RERE: variants seen among roughly 807,000 people sequenced by gnomAD.
The protein encoded by RERE is arginine-glutamic acid dipeptide repeats, also known as arginine-glutamic acid dipeptide repeats protein.
A neutral mutation model predicts 146.1 loss-of-function variants in RERE; 40 were observed. The ratio of observed to expected loss-of-function variants is 0.27; its 90% CI spans 0.21 to 0.36. The LOEUF is 0.36. Ranked by LOEUF, RERE falls within the 10% of genes least tolerant of loss-of-function variation. The pLI is 1.00. For missense variants in RERE, 1,933 were observed against 2,138.7 expected (o/e 0.90, Z 1.90); for synonymous variants, 1,003 against 866.0 (o/e 1.16, Z -2.78).
At chr1:8,395,659 C>T (rs997249799) in intron 12 of RERE, among the ~76,000 whole-genome samples, 1 of 151,976 alleles carries the variant, frequency 6.6e-6, no homozygotes, top group African/African-American at 2.4e-5. Context: ...GAAGCAATGT[C>T]AAACCTGTGT....
intron 2 of RERE, among the ~76,000 whole-genome samples, chr1:8,649,673 T>G (rs984880655): frequency 1.3e-5 from 2 of 148,580 alleles, no homozygotes; most frequent in Non-Finnish European, 3.0e-5. Context: ...GAGGTTGCAG[T>G]GAGCTGAGAT....
chr1:8,794,845 G>A lies in RERE; in HGVS notation c.-145+22315C>T, dbSNP rs567797449. Among the ~76,000 whole-genome samples, 5 of 152,162 alleles carry A rather than the reference G, an allele frequency of 3.3e-5. No homozygotes were observed. In the South Asian group the frequency reaches 1.0e-3, roughly 32 times the overall value. On this transcript the variant is annotated intron_variant, in intron 1 of 22. Transcript: ENST00000400908. ...GGAGGGGTGGCTGAGGTGAGAGGATGGCTGTCACCCAGGTTGGAGTGCAGT... is the reference window on the plus strand; with the variant it reads ...GGAGGGGTGGCTGAGGTGAGAGGATAGCTGTCACCCAGGTTGGAGTGCAGT...
At chr1:8,529,287 C>CTTTGTTTT (rs1645608994) in intron 7 of RERE, among the ~76,000 whole-genome samples, 1 of 102,446 alleles carries the variant, frequency 9.8e-6, no homozygotes, top group Admixed American at 1.1e-4. Context: ...GTTCTCCCTT[C>CTTTGTTTT]TTTTTTTTTT....
intron 1 of RERE, among the ~76,000 whole-genome samples, chr1:8,742,666 C>T (rs865950997): frequency 6.6e-6 from 1 of 151,942 alleles, no homozygotes; most frequent in South Asian, 2.1e-4. Context: ...ACAAAACTTA[C>T]AAAAATTAGC....
intron 1 of RERE, among the ~76,000 whole-genome samples, chr1:8,754,399 C>T (rs1640595846): frequency 6.6e-6 from 1 of 152,128 alleles, no homozygotes; most frequent in South Asian, 2.1e-4. Flanking sequence ...AAGGTTAATA[C>T]AAAAGAATTT....
chr1:8,575,009 T>C (rs1398127054), intron 4 of RERE, among the ~76,000 whole-genome samples: 1 of 152,202 alleles, frequency 6.6e-6, no homozygotes, highest in Non-Finnish European at 1.5e-5. Context: ...CATACACATA[T>C]ACACATTAAC....
chr1:8,620,528 TG>T (rs1338704376), intron 3 of RERE, among the ~76,000 whole-genome samples: 1 of 152,204 alleles, frequency 6.6e-6, no homozygotes, highest in Non-Finnish European at 1.5e-5. Context: ...CTCTACTAAC[TG>T]CCTCAGTCTC....
At chr1:8,430,983 T>C (rs536866796) in intron 11 of RERE, among the ~76,000 whole-genome samples, 45 of 152,308 alleles carry the variant, frequency 3.0e-4, no homozygotes, top group African/African-American at 9.4e-4. Context: ...GTAGATGCCA[T>C]AGGGTGACCC....
intron 12 of RERE, among the ~76,000 whole-genome samples, chr1:8,401,998 G>C (rs1223041342): frequency 6.6e-6 from 1 of 152,080 alleles, no homozygotes; most frequent in East Asian, 1.9e-4. Context: ...AGCCTCCCGA[G>C]TAGCTGGGGC....
chr1:8,529,643 G>C (rs1002061525), intron 7 of RERE, among the ~76,000 whole-genome samples: 1 of 151,864 alleles, frequency 6.6e-6, no homozygotes, highest in African/African-American at 2.4e-5. Flanking sequence ...GACACAAGGG[G>C]CAATGAATGA....
Position 8,802,627 on chromosome 1 carries a change from A to T in RERE, c.-145+14533T>A, listed in dbSNP as rs1179540624. Among the ~76,000 whole-genome samples the T allele has an allele frequency of 5.9e-5, 9 of 152,304 alleles. No homozygotes were observed. The East Asian group carries it at 1.5e-3, about 26-fold the overall frequency. On this transcript the variant is annotated intron_variant, in intron 1 of 22. Coordinates refer to ENST00000400908, the MANE Select transcript of RERE (RefSeq NM_001042681.2). ...GAGCTGATTCTCTTTCTTAAACCAC[A>T]GTATCAACACCTTTTGAGGCACTTT...
At chr1:8,810,080 A>T (rs1285098310) in intron 1 of RERE, among the ~76,000 whole-genome samples, 2 of 152,096 alleles carry the variant, frequency 1.3e-5, no homozygotes, top group East Asian at 1.9e-4. Context: ...ATCTCAGCTC[A>T]CTGCAACCTC....
intron 4 of RERE, among the ~76,000 whole-genome samples, chr1:8,589,235 T>C (rs992785545): frequency 6.6e-6 from 1 of 151,572 alleles, no homozygotes; most frequent in African/African-American, 2.4e-5. Flanking sequence ...AGGTCAGGAG[T>C]TCTAGACCAG....
Position 8,358,724 on chromosome 1 carries a change from T to A in RERE, c.3811A>T (p.Asn1271Tyr). ...TTAAGGGGCATGTAGAAGGGGTGGT[T>A]GCGGTTGGTGGGCGACATGACGTGG... ...RPHVMSPTNR[N>Y]HPFYMPLNPT... The change falls in exon 20 of 23, where the codon AAC becomes TAC. Residue 1271 changes from asparagine (N) to tyrosine (Y), a missense_variant. Physicochemically the swap from Asn to Tyr is moderately radical, Grantham distance 143 (BLOSUM62 -2). Around this residue, in one of 11 missense-constraint regions of RERE, gnomAD observed 1,255 missense variants for 1,153.8 expected, o/e 1.09. Transcript: ENST00000400908. The A allele has an allele frequency of 5.0e-6, 8 of 1,605,008 alleles. No individual in the cohort carries two copies. Among genetic ancestry groups the A allele is most frequent in the Non-Finnish European group, 6.8e-6 (8 of 1,174,774 alleles).
intron 11 of RERE, among the ~76,000 whole-genome samples, chr1:8,453,440 C>G (rs972242846): frequency 6.6e-6 from 1 of 152,150 alleles, no homozygotes; most frequent in Non-Finnish European, 1.5e-5. Context: ...AGGCAAAGCT[C>G]CTTTATTTCT....
At chr1:8,807,478 T>C (rs370839156) in intron 1 of RERE, among the ~76,000 whole-genome samples, 2 of 152,192 alleles carry the variant, frequency 1.3e-5, no homozygotes, top group African/African-American at 4.8e-5. Context: ...TAGTTACTCC[T>C]CACAGGCCAT....
intron 1 of RERE, among the ~76,000 whole-genome samples, chr1:8,681,897 T>C (rs1283939811): frequency 6.6e-6 from 1 of 152,172 alleles, no homozygotes; most frequent in Non-Finnish European, 1.5e-5. Flanking sequence ...TATTGAGAGA[T>C]CTGGGCAAAT....
chr1:8,771,224 T>C (rs11121229), intron 1 of RERE, among the ~76,000 whole-genome samples: 33,272 of 151,972 alleles, frequency 0.22, 3,878 homozygotes, highest in Middle Eastern at 0.26. Flanking sequence ...TTTTGGAGAT[T>C]AGAACTATTA....
chr1:8,644,116 T>C (rs1647223254), intron 2 of RERE, among the ~76,000 whole-genome samples: 1 of 152,180 alleles, frequency 6.6e-6, no homozygotes, highest in South Asian at 2.1e-4. Context: ...CCCACATCTA[T>C]TTCCCCTACC....
Sources: gnomAD v4.1 joint callset for allele counts (sites outside exome capture counted in the v4.1 genomes callset) on GRCh38, gnomAD v4.1.1 for gene constraint, gnomAD v4.1.1 regional missense constraint, MANE v1.5 for transcripts, NCBI Gene and HGNC (gene_info 2026-07-23, HGNC 2026-07-21) for gene names.